The following AK5 variants were observed in gnomAD, a reference collection of about 807,000 sequenced individuals.
AK5 encodes the protein adenylate kinase 5, also known as adenylate kinase isoenzyme 5.
A neutral mutation model predicts 69.5 loss-of-function variants in AK5; 27 were observed. The ratio of observed to expected loss-of-function variants is 0.39; its 90% CI spans 0.29 to 0.54. The LOEUF is 0.54. AK5 is among the 20% of genes least tolerant of loss of function. The pLI, the probability that AK5 is intolerant of heterozygous loss-of-function variation, is 0.71. For missense variants in AK5, 531 were observed against 700.4 expected, an observed-to-expected ratio of 0.76 and a Z score of 2.73; for synonymous variants, 260 against 244.4, an observed-to-expected ratio of 1.06 and a Z score of -0.60.
chr1:77,527,915 G>C (rs528755422), intron 12 of AK5, among the ~76,000 whole-genome samples: 1 of 152,148 alleles, frequency 6.6e-6, no homozygotes, highest in Admixed American at 6.5e-5. Context: ...CAAAATTAGC[G>C]GGACGTGGTG....
intron 2 of AK5, among the ~76,000 whole-genome samples, chr1:77,287,637 A>G (rs1308977954): frequency 6.6e-6 from 1 of 152,268 alleles, no homozygotes; most frequent in Non-Finnish European, 1.5e-5. Context: ...AAGGAGTTTA[A>G]GTGAGCAATG....
At chr1:77,309,787 C>T (rs1320065387) in intron 5 of AK5, among the ~76,000 whole-genome samples, 2 of 152,056 alleles carry the variant, frequency 1.3e-5, no homozygotes, top group African/African-American at 4.8e-5. Flanking sequence ...TAAAACATAA[C>T]CCTGCCCCCA....
At chr1:77,326,292 T>A (rs2100340017) in intron 5 of AK5, among the ~76,000 whole-genome samples, 1 of 152,308 alleles carries the variant, frequency 6.6e-6, no homozygotes, top group Non-Finnish European at 1.5e-5. Context: ...GTCTTTGTGT[T>A]TGAGTGGTAA....
chr1:77,552,899 G>A (rs1272727417), intron 13 of AK5, among the ~76,000 whole-genome samples: 2 of 152,100 alleles, frequency 1.3e-5, no homozygotes, highest in African/African-American at 4.8e-5. Flanking sequence ...AATTAGCTGG[G>A]CATGGGGGCA....
At chr1:77,397,134 G>T (rs1182766152) in intron 6 of AK5, among the ~76,000 whole-genome samples, 1 of 152,184 alleles carries the variant, frequency 6.6e-6, no homozygotes, top group Non-Finnish European at 1.5e-5. Flanking sequence ...TAAGGCAGAG[G>T]CACCCTCATC....
chr1:77,305,784 C>T (rs758709504), intron 5 of AK5, among the ~76,000 whole-genome samples: 7 of 152,068 alleles, frequency 4.6e-5, no homozygotes, highest in Non-Finnish European at 8.8e-5. Context: ...GTGATTCTTC[C>T]AGTTGTGTTC....
At chr1:77,421,632 T>C (rs752540582) in intron 8 of AK5, among the ~76,000 whole-genome samples, 1 of 152,166 alleles carries the variant, frequency 6.6e-6, no homozygotes, top group Non-Finnish European at 1.5e-5. Flanking sequence ...GAAATGGAGC[T>C]TATTTATATG....
At chr1:77,335,313 G>T (rs548557924) in intron 5 of AK5, among the ~76,000 whole-genome samples, 27 of 151,452 alleles carry the variant, frequency 1.8e-4, no homozygotes, top group African/African-American at 6.3e-4. Flanking sequence ...TGTTGATTCC[G>T]CAGGAGAAAC....
chr1:77,339,336 A>G (rs956240725), intron 5 of AK5, among the ~76,000 whole-genome samples: 16 of 152,220 alleles, frequency 1.1e-4, no homozygotes, highest in East Asian at 1.9e-4. Flanking sequence ...TTCACTTCAT[A>G]TAGTCGTGCT....
Position 77,282,388 on chromosome 1 carries a change from G to A in AK5, c.60+15G>A, listed in dbSNP as rs1658108563. On this transcript the variant is annotated intron_variant, in intron 1 of 13. Coordinates refer to ENST00000354567, the MANE Select transcript of AK5 (RefSeq NM_174858.3). ...AGCTTTTTGAGGTAGGGCTAGAGCT[G>A]GCCGACGGGCGGTAGCATCCGGGGA... 3 of 1,540,226 alleles carry A rather than the reference G, an allele frequency of 1.9e-6. No homozygotes were observed. The highest frequency in any genetic ancestry group is 2.6e-6 in the Non-Finnish European group (3 of 1,142,030).
At chr1:77,415,685 CATT>C (rs1398472572) in intron 7 of AK5, among the ~76,000 whole-genome samples, 1 of 152,214 alleles carries the variant, frequency 6.6e-6, no homozygotes, top group African/African-American at 2.4e-5. Flanking sequence ...CACTGTTCCT[CATT>C]TTCTCAGCAC....
chr1:77,510,901 A>G (rs1429488543), intron 10 of AK5, among the ~76,000 whole-genome samples: 1 of 151,382 alleles, frequency 6.6e-6, no homozygotes, highest in Non-Finnish European at 1.5e-5. Context: ...AGATACATGT[A>G]TCTGTACATA....
At chr1:77,349,147 T>G (rs1446607970) in intron 6 of AK5, among the ~76,000 whole-genome samples, 3 of 152,140 alleles carry the variant, frequency 2.0e-5, no homozygotes, top group Non-Finnish European at 4.4e-5. Context: ...TAGGAAACAA[T>G]AGCTAACAAT....
chr1:77,475,195 A>ATATATGTGTG (rs1182380859), intron 8 of AK5, among the ~76,000 whole-genome samples: 12 of 29,154 alleles, frequency 4.1e-4, no homozygotes, highest in African/African-American at 1.4e-3. Context: ...ATATATATAT[A>ATATATGTGTG]TGTGTGTGTG....
chr1:77,452,834 A>G (rs1439458425), intron 8 of AK5, among the ~76,000 whole-genome samples: 1 of 152,222 alleles, frequency 6.6e-6, no homozygotes, highest in Non-Finnish European at 1.5e-5. Context: ...GCTTTCTTAA[A>G]TACCTACAGC....
At chr1:77,425,044 A>G (rs1472568936) in intron 8 of AK5, among the ~76,000 whole-genome samples, 1 of 152,242 alleles carries the variant, frequency 6.6e-6, no homozygotes, top group East Asian at 1.9e-4. Flanking sequence ...TACCTGTAGT[A>G]GAGCGAAGAT....
intron 1 of AK5, among the ~76,000 whole-genome samples, chr1:77,286,215 GTATT>G (rs1658340564): frequency 6.6e-6 from 1 of 151,756 alleles, no homozygotes; most frequent in South Asian, 2.1e-4. Flanking sequence ...ACTCTATGAG[GTATT>G]TATTATTACC....
chr1:77,368,583 TACTC>T (rs1274169026), intron 6 of AK5, among the ~76,000 whole-genome samples: 4 of 151,762 alleles, frequency 2.6e-5, no homozygotes, highest in East Asian at 1.9e-4. Flanking sequence ...TTCTTACACT[TACTC>T]ACACATAGGA....
At chr1:77,527,808 C>G (rs1658372520) in intron 12 of AK5, among the ~76,000 whole-genome samples, 1 of 152,174 alleles carries the variant, frequency 6.6e-6, no homozygotes, top group South Asian at 2.1e-4. Flanking sequence ...GCCTGTAATC[C>G]CAGCACTTTG....
Sources: allele counts gnomAD v4.1 joint callset (sites outside exome capture counted in the v4.1 genomes callset), GRCh38; gene constraint gnomAD v4.1.1; transcripts MANE v1.5; gene names NCBI Gene and HGNC (gene_info 2026-07-23, HGNC 2026-07-21).